Variants in FANCC observed in about 807,000 individuals in gnomAD.
The protein encoded by FANCC is FA complementation group C.
Under a neutral mutation model 71.3 loss-of-function variants are expected in FANCC, and 55 were observed. That is an observed-to-expected ratio of 0.77 (90% CI 0.62 to 0.97). FANCC has a LOEUF of 0.97. FANCC is among the 50% of genes least tolerant of loss of function. The pLI is 0.00. For synonymous variants in FANCC, 275 were observed against 244.9 expected, an observed-to-expected ratio of 1.12 and a Z score of -1.15; for missense variants, 678 against 670.9, an observed-to-expected ratio of 1.01 and a Z score of -0.12.
intron 3 of FANCC, among the ~76,000 whole-genome samples, chr9:95,246,653 A>T (rs1830998994): frequency 1.3e-5 from 2 of 152,192 alleles, no homozygotes; most frequent in African/African-American, 4.8e-5. Context: ...CAGACAGTGA[A>T]GTAAGTGTAT....
At chr9:95,250,810 C>T (rs757591100) in intron 1 of FANCC, among the ~76,000 whole-genome samples, 1 of 152,248 alleles carries the variant, frequency 6.6e-6, no homozygotes. Flanking sequence ...CCAGGCTGGG[C>T]CTGCCCGTCT....
chr9:95,316,302 A>C lies in FANCC; in HGVS notation c.-79+1224T>G, dbSNP rs539374568. On this transcript the variant is annotated intron_variant, in intron 1 of 14. Transcript: ENST00000289081. ...TTTCCAGGTGACTCTGGTACAGCAC[A>C]TAACATTGAAACATCAATTCAAGTT... Among the ~76,000 whole-genome samples, 4 of 152,394 alleles carry C rather than the reference A, an allele frequency of 2.6e-5. No individual in the cohort carries two copies. In the East Asian group the frequency reaches 5.8e-4, roughly 22 times the overall value.
intron 1 of FANCC, among the ~76,000 whole-genome samples, chr9:95,250,844 A>G (rs1831287381): frequency 6.6e-6 from 1 of 152,248 alleles, no homozygotes; most frequent in African/African-American, 2.4e-5. Flanking sequence ...TATGCAGTAG[A>G]CAGAAAAAAC....
intron 4 of FANCC, among the ~76,000 whole-genome samples, chr9:95,182,436 C>T (rs371997563): frequency 6.6e-6 from 1 of 152,148 alleles, no homozygotes; most frequent in Non-Finnish European, 1.5e-5. Context: ...AGGAGAATGG[C>T]GTGAACCCAG....
chr9:95,125,140 A>T lies in FANCC; in HGVS notation c.942T>A (p.Thr314=). ...CAAAGCACTGCGTAAACACCTGAAT[A>T]GTGGCTATGATTTCCAGGGCCCCAT... is the stretch of plus-strand genomic sequence containing the variant. The part of the protein sequence containing the change: ...ETDGALEIIA[T]IQVFTQCFVE... Residue 314 remains threonine, a synonymous_variant, in exon 10 of 15, where the codon ACT becomes ACA. Coordinates refer to ENST00000289081, the MANE Select transcript of FANCC (RefSeq NM_000136.3). The T allele has an allele frequency of 1.9e-6, 3 of 1,614,248 alleles. No homozygotes were observed.
At chr9:95,292,556 C>G (rs374505381) in intron 1 of FANCC, 3 of 1,475,374 alleles carry the variant, frequency 2.0e-6, no homozygotes, top group Non-Finnish European at 2.8e-6. Context: ...AGTAGGTGAG[C>G]GAGCTGTCCC....
rs774113388 is a variant in FANCC at position 95,111,577 on chromosome 9, C to A, written c.1215G>T (p.Glu405Asp). The A allele has an allele frequency of 6.2e-7, 1 of 1,614,226 alleles. No individual in the cohort carries two copies. Among genetic ancestry groups the A allele is most frequent in the Admixed American group, 1.7e-5 (1 of 60,034 alleles). Reference protein sequence around the residue: ...FLFIHFGGWAEMVAEQLLMSA... With the variant: ...FLFIHFGGWADMVAEQLLMSA... ...ACATCAGTAATTGCTCTGCCACCAT[C>A]TCAGCCCATCCTCCGAAGTGAATGA... The change falls in exon 13 of 15, where the codon GAG (glutamate) becomes GAT (aspartate). Residue 405 changes from glutamate (E) to aspartate (D), a missense_variant. Physicochemically the swap from Glu to Asp is conservative, Grantham distance 45 (BLOSUM62 2). Transcript: ENST00000289081.
chr9:95,299,186 T>C (rs1356005708), intron 1 of FANCC, among the ~76,000 whole-genome samples: 2 of 152,246 alleles, frequency 1.3e-5, no homozygotes, highest in Non-Finnish European at 2.9e-5. Flanking sequence ...AATTAATAAC[T>C]AGTTTTGAAA....
chr9:95,307,292 C>T (rs1254092955), intron 1 of FANCC, among the ~76,000 whole-genome samples: 1 of 151,864 alleles, frequency 6.6e-6, no homozygotes, highest in Non-Finnish European at 1.5e-5. Context: ...AGGGCTATTG[C>T]CCAAAGTAAT....
In FANCC at chr9:95,220,499, A is replaced by C. The variant is rs542118254; in HGVS notation, c.345+20150T>G. On this transcript the variant is annotated intron_variant, in intron 4 of 14. Coordinates refer to ENST00000289081, the MANE Select transcript of FANCC (RefSeq NM_000136.3). ...TCCAACAATGATAGACTGGATTAAG[A>C]AAATGTGGCACATATACAGCATGGA... Among the ~76,000 whole-genome samples, 6 of 152,362 alleles carry C rather than the reference A, an allele frequency of 3.9e-5. No homozygotes were observed. The East Asian group carries it at 9.6e-4, about 24-fold the overall frequency.
chr9:95,218,549 T>C (rs927028694), intron 4 of FANCC, among the ~76,000 whole-genome samples: 11 of 152,106 alleles, frequency 7.2e-5, no homozygotes, highest in African/African-American at 1.4e-4. Context: ...CTCATGAACA[T>C]AGACATAAAA....
rs376447014 is a variant in FANCC at position 95,247,537 on chromosome 9, T to C, written c.166-21A>G. The C allele has an allele frequency of 2.0e-5, 31 of 1,589,052 alleles. No individual in the cohort carries two copies. The African/African-American group carries it at 2.7e-4, about 14-fold the overall frequency. The stretch of plus-strand genomic sequence containing the variant: ...GAATCCTGTGAAAGAAAAATAAATT[T>C]TGGTCAGTAAAGGCATTATGCAACT... On this transcript the variant is annotated intron_variant, in intron 2 of 14. Coordinates refer to ENST00000289081, the MANE Select transcript of FANCC (RefSeq NM_000136.3).
chr9:95,190,295 G>A (rs1827005687), intron 4 of FANCC, among the ~76,000 whole-genome samples: 1 of 152,082 alleles, frequency 6.6e-6, no homozygotes, highest in South Asian at 2.1e-4. Context: ...CCGCAGCAGT[G>A]ACCCGCGTCA....
chr9:95,255,460 C>T (rs1014557056), intron 1 of FANCC, among the ~76,000 whole-genome samples: 9 of 152,184 alleles, frequency 5.9e-5, no homozygotes, highest in African/African-American at 2.2e-4. Flanking sequence ...AGGGGCCTGA[C>T]TGTTAGAAGG....
At chr9:95,247,730 C>T (rs1452260396) in intron 2 of FANCC, among the ~76,000 whole-genome samples, 1 of 152,052 alleles carries the variant, frequency 6.6e-6, no homozygotes, top group Non-Finnish European at 1.5e-5. Context: ...AATGGGGTCA[C>T]CAAACTAAGA....
chr9:95,291,505 A>C (rs1833994554), intron 1 of FANCC, among the ~76,000 whole-genome samples: 1 of 152,186 alleles, frequency 6.6e-6, no homozygotes, highest in South Asian at 2.1e-4. Flanking sequence ...AAAGAAATAA[A>C]ATACTTAGGT....
chr9:95,260,075 G>A (rs1290795164), intron 1 of FANCC, among the ~76,000 whole-genome samples: 3 of 152,184 alleles, frequency 2.0e-5, no homozygotes, highest in South Asian at 2.1e-4. Flanking sequence ...AAACAGGAAC[G>A]CTTTTACCCT....
intron 6 of FANCC, among the ~76,000 whole-genome samples, chr9:95,162,910 C>T (rs1448638257): frequency 1.3e-5 from 2 of 152,172 alleles, no homozygotes; most frequent in Non-Finnish European, 2.9e-5. Context: ...ACATAGGCTG[C>T]TTTTTAATCT....
intron 4 of FANCC, among the ~76,000 whole-genome samples, chr9:95,173,950 T>A (rs1825850779): frequency 6.6e-6 from 1 of 152,198 alleles, no homozygotes; most frequent in South Asian, 2.1e-4. Flanking sequence ...ATGGTTATAT[T>A]ATACTACTAA....
Sources: allele counts gnomAD v4.1 joint callset (sites outside exome capture counted in the v4.1 genomes callset), GRCh38; gene constraint gnomAD v4.1.1; transcripts MANE v1.5; gene names NCBI Gene and HGNC (gene_info 2026-07-23, HGNC 2026-07-21).